FGF12: variants seen among roughly 807,000 people sequenced by gnomAD.
FGF12 encodes the protein fibroblast growth factor 12B.
A neutral mutation model predicts 23.6 loss-of-function variants in FGF12; 14 were observed. That is an observed-to-expected ratio of 0.59 (90% CI 0.39 to 0.93). The LOEUF (loss-of-function observed/expected upper bound fraction) is 0.93, where lower values mean the gene tolerates loss of function less well. Ranked by LOEUF, FGF12 falls within the 40% of genes least tolerant of loss-of-function variation. The pLI is 0.00. For missense variants in FGF12, 175 were observed against 217.8 expected, an observed-to-expected ratio of 0.80 and a Z score of 1.24; for synonymous variants, 62 against 77.3, an observed-to-expected ratio of 0.80 and a Z score of 1.04.
intron 2 of FGF12, among the ~76,000 whole-genome samples, chr3:192,608,288 C>G (rs964527734): frequency 1.3e-5 from 2 of 151,998 alleles, no homozygotes; most frequent in African/African-American, 4.8e-5. Context: ...GTAAAAATAA[C>G]TAAAAGAGTA....
chr3:192,227,623 A>G (rs112382233), intron 4 of FGF12, among the ~76,000 whole-genome samples: 5,405 of 151,700 alleles, frequency 0.036, 318 homozygotes, highest in African/African-American at 0.12. Context: ...AATTTCTATC[A>G]CACCATAGTA....
intron 2 of FGF12, among the ~76,000 whole-genome samples, chr3:192,511,253 A>G (rs896195522): frequency 3.5e-5 from 5 of 142,980 alleles, no homozygotes; most frequent in Non-Finnish European, 6.2e-5. Flanking sequence ...ACACACACAC[A>G]CCTGCTACTA....
intron 4 of FGF12, among the ~76,000 whole-genome samples, chr3:192,224,675 T>A (rs760744865): frequency 6.6e-6 from 1 of 152,154 alleles, no homozygotes; most frequent in Non-Finnish European, 1.5e-5. Flanking sequence ...TTCATTTTTA[T>A]AATGAGGATT....
intron 2 of FGF12, among the ~76,000 whole-genome samples, chr3:192,505,008 C>G (rs1218631221): frequency 3.9e-5 from 6 of 151,992 alleles, no homozygotes; most frequent in Admixed American, 6.6e-5. Flanking sequence ...ATGTCCTCCC[C>G]CAAGCCCACA....
At chr3:192,304,949 T>G (rs1407747843) in intron 4 of FGF12, among the ~76,000 whole-genome samples, 2 of 151,998 alleles carry the variant, frequency 1.3e-5, no homozygotes, top group Non-Finnish European at 2.9e-5. Flanking sequence ...TACACAGTAG[T>G]ACATGCTTAA....
intron 5 of FGF12, among the ~76,000 whole-genome samples, chr3:192,158,649 C>CTTCCT (rs1218554349): frequency 4.0e-4 from 4 of 9,960 alleles, no homozygotes; most frequent in Non-Finnish European, 1.1e-3. Flanking sequence ...CCCTCCCTCC[C>CTTCCT]TCCCTCCCTT....
At chr3:192,562,784 G>A (rs1315903267) in intron 2 of FGF12, among the ~76,000 whole-genome samples, 7 of 151,580 alleles carry the variant, frequency 4.6e-5, no homozygotes, top group African/African-American at 1.7e-4. Flanking sequence ...GCCCAGGCTG[G>A]AGTGCAGTGG....
chr3:192,167,923 C>G (rs180790007), intron 5 of FGF12, among the ~76,000 whole-genome samples: 1 of 150,790 alleles, frequency 6.6e-6, no homozygotes, highest in South Asian at 2.1e-4. Flanking sequence ...CGTGCCACCA[C>G]GCCCGGTTAA....
intron 4 of FGF12, among the ~76,000 whole-genome samples, chr3:192,188,625 A>G (rs1308348837): frequency 2.0e-5 from 3 of 152,250 alleles, no homozygotes; most frequent in Non-Finnish European, 4.4e-5. Context: ...TGTCTGAGAA[A>G]TACAGTAAGA....
chr3:192,397,723 T>C (rs1225850893), intron 2 of FGF12, among the ~76,000 whole-genome samples: 1 of 152,188 alleles, frequency 6.6e-6, no homozygotes, highest in East Asian at 1.9e-4. Context: ...GTAGAAGGTA[T>C]ATTGTGTAGA....
intron 4 of FGF12, among the ~76,000 whole-genome samples, chr3:192,317,784 G>A (rs1716306556): frequency 6.6e-6 from 1 of 152,182 alleles, no homozygotes; most frequent in Non-Finnish European, 1.5e-5. Flanking sequence ...GAGACACAGT[G>A]CTGTGCTGGC....
intron 2 of FGF12, among the ~76,000 whole-genome samples, chr3:192,591,715 A>C (rs900543077): frequency 6.6e-6 from 1 of 151,932 alleles, no homozygotes; most frequent in African/African-American, 2.4e-5. Context: ...GGGATGGTAT[A>C]GTTGGAAATG....
Position 192,603,677 on chromosome 3 carries a change from G to T in FGF12, c.13+123504C>A, listed in dbSNP as rs1321828130. On this transcript the variant is annotated intron_variant, in intron 2 of 5. Transcript: ENST00000445105. ...ATTAAAGATTTCAAAAGGGGAGGGGGTGTCTGAACAGGGAGTAGGTCACAA... is the reference window on the plus strand; with the variant it reads ...ATTAAAGATTTCAAAAGGGGAGGGGTTGTCTGAACAGGGAGTAGGTCACAA... Among the ~76,000 whole-genome samples the T allele has an allele frequency of 3.3e-5, 5 of 152,108 alleles. No individual in the cohort carries two copies. The East Asian group carries it at 9.6e-4, about 29-fold the overall frequency.
chr3:192,529,642 A>G (rs1350503097), intron 2 of FGF12, among the ~76,000 whole-genome samples: 1 of 152,192 alleles, frequency 6.6e-6, no homozygotes, highest in Non-Finnish European at 1.5e-5. Context: ...AATTTACAAA[A>G]GAAAGAGGTT....
chr3:192,313,745 C>T (rs1167301842), intron 4 of FGF12, among the ~76,000 whole-genome samples: 1 of 152,158 alleles, frequency 6.6e-6, no homozygotes, highest in African/African-American at 2.4e-5. Flanking sequence ...AATGAAGAGA[C>T]TATGTATGCA....
At chr3:192,487,237 A>G (rs1356324616) in intron 2 of FGF12, among the ~76,000 whole-genome samples, 1 of 152,058 alleles carries the variant, frequency 6.6e-6, no homozygotes, top group Non-Finnish European at 1.5e-5. Context: ...CTACTTCCTC[A>G]TAGCAACCAT....
intron 2 of FGF12, among the ~76,000 whole-genome samples, chr3:192,476,132 A>G (rs773230107): frequency 6.6e-6 from 1 of 152,090 alleles, no homozygotes; most frequent in Admixed American, 6.6e-5. Context: ...CTTTCCATAC[A>G]TGGCCTAAAC....
intron 2 of FGF12, among the ~76,000 whole-genome samples, chr3:192,702,347 G>T (rs946944058): frequency 2.6e-5 from 4 of 152,118 alleles, no homozygotes; most frequent in African/African-American, 9.7e-5. Flanking sequence ...GTTTCTCCTA[G>T]CTTTGTGATC....
intron 2 of FGF12, among the ~76,000 whole-genome samples, chr3:192,702,877 C>A (rs924177749): frequency 6.6e-6 from 1 of 152,174 alleles, no homozygotes; most frequent in Non-Finnish European, 1.5e-5. Flanking sequence ...GAGTTGATTA[C>A]ATATAACTAT....
Sources: allele counts gnomAD v4.1 joint callset (sites outside exome capture counted in the v4.1 genomes callset), GRCh38; gene constraint gnomAD v4.1.1; transcripts MANE v1.5; gene names NCBI Gene and HGNC (gene_info 2026-07-23, HGNC 2026-07-21).